The following TRPV4 variants were observed in gnomAD, a reference collection of about 807,000 sequenced individuals.
TRPV4 encodes OSM9-like transient receptor potential channel 4.
In TRPV4, 58 loss-of-function variants were observed where a neutral mutation model predicts 84.1. That is an observed-to-expected ratio of 0.69 (90% CI 0.56 to 0.86). The LOEUF (loss-of-function observed/expected upper bound fraction) is 0.86. Among genes scored for constraint, TRPV4 ranks in the 40% least tolerant of loss-of-function variants. TRPV4 has a pLI of 0.00. For missense variants in TRPV4, 879 were observed against 1,181.1 expected, an observed-to-expected ratio of 0.74 and a Z score of 3.75; for synonymous variants, 489 against 500.9, an observed-to-expected ratio of 0.98 and a Z score of 0.32.
At chr12:109,828,238 C>T (rs747758316) in intron 1 of TRPV4, among the ~76,000 whole-genome samples, 4 of 152,196 alleles carry the variant, frequency 2.6e-5, no homozygotes, top group African/African-American at 7.2e-5. Flanking sequence ...GCTTCCTGTG[C>T]GCCTGGTGTG....
rs139338783 is a variant in TRPV4, at chr12:109,805,667, G to A, written c.560-2524C>T. Among the ~76,000 whole-genome samples the A allele has an allele frequency of 1.9e-3, 286 of 152,230 alleles. 5 individuals carry two copies. The highest frequency in any genetic ancestry group is 6.1e-3 in the African/African-American group (254 of 41,516). On this transcript the variant is annotated intron_variant, in intron 3 of 15. Transcript: ENST00000261740. The stretch of plus-strand genomic sequence containing the variant: ...GGTTTTGTGGGACGTAGACTAGGTC[G>A]AGGACCTCAGAAAGGGCCTTAGCCA...
intron 12 of TRPV4, among the ~76,000 whole-genome samples, chr12:109,790,808 G>A (rs903458661): frequency 6.6e-6 from 1 of 152,238 alleles, no homozygotes; most frequent in Non-Finnish European, 1.5e-5. Context: ...GGCCAACAGA[G>A]TAAGGCAGCA....
At chr12:109,813,804 TGA>T (rs1452559764) in intron 2 of TRPV4, among the ~76,000 whole-genome samples, 1 of 150,854 alleles carries the variant, frequency 6.6e-6, no homozygotes, top group Non-Finnish European at 1.5e-5. Context: ...ACATATGGAA[TGA>T]TGAATAGACG....
Position 109,795,985 on chromosome 12 carries a change from CTGGCTTCAAGCAATCCGCCCACCT to C in TRPV4, c.1332+516_1332+539del, listed in dbSNP as rs1274716975. ...TATTGCCCAGGCTAGTCTCAAACTCCTGGCTTCAAGCAATCCGCCCACCTTGGCTCCCCAAAATGCTAGAATTAC... is the reference window on the plus strand; with the variant it reads ...TATTGCCCAGGCTAGTCTCAAACTCCTGGCTCCCCAAAATGCTAGAATTAC... On this transcript the variant is annotated intron_variant, in intron 7 of 15. Coordinates refer to ENST00000261740, the MANE Select transcript of TRPV4 (RefSeq NM_021625.5). Among the ~76,000 whole-genome samples, 7 of 152,056 alleles carry C rather than the reference CTGGCTTCAAGCAATCCGCCCACCT, an allele frequency of 4.6e-5. No individual in the cohort carries two copies. The South Asian group carries it at 1.5e-3, about 32-fold the overall frequency.
chr12:109,798,584 G>A lies in TRPV4; in HGVS notation c.1152+30C>T. 1 of 1,606,678 alleles carries A rather than the reference G, an allele frequency of 6.2e-7. No individual in the cohort carries two copies. Among genetic ancestry groups the A allele is most frequent in the Non-Finnish European group, 8.5e-7 (1 of 1,179,892 alleles). On this transcript the variant is annotated intron_variant, in intron 6 of 15. Transcript: ENST00000261740. This position sits in a 1 kb window ranked among gnomAD's most constrained non-coding sequence, Gnocchi z 5.0. ...GTGTGCAGAGGGGTACGAGTAGGTGGATCAGCTGTGCCCCCAGCCGCACAC... is the reference window on the plus strand; with the variant it reads ...GTGTGCAGAGGGGTACGAGTAGGTGAATCAGCTGTGCCCCCAGCCGCACAC...
intron 1 of TRPV4, among the ~76,000 whole-genome samples, chr12:109,825,554 A>G (rs940100358): frequency 6.6e-6 from 1 of 152,082 alleles, no homozygotes; most frequent in Non-Finnish European, 1.5e-5. Flanking sequence ...TGGAACCCAG[A>G]CTTCCCGGCT....
intron 7 of TRPV4, 109 bp from the exon 8 acceptor site, chr12:109,794,596 CTT>C: frequency 1.7e-6 from 2 of 1,184,354 alleles, no homozygotes; most frequent in Non-Finnish European, 2.5e-6. Context: ...AGCGCTTTCT[CTT>C]TCCATCCATT....
chr12:109,812,452 G>T (rs1891578834), intron 2 of TRPV4, among the ~76,000 whole-genome samples: 3 of 152,252 alleles, frequency 2.0e-5, no homozygotes, highest in Admixed American at 2.0e-4. Context: ...GATGATTGAA[G>T]AAGACCCAGG....
At chr12:109,829,143 G>A (rs761486519) in intron 1 of TRPV4, among the ~76,000 whole-genome samples, 24 of 152,000 alleles carry the variant, frequency 1.6e-4, no homozygotes, top group Non-Finnish European at 3.1e-4. Flanking sequence ...CTGCATTCCA[G>A]CCTGAGCAAC....
Position 109,794,435 on chromosome 12 carries a change from T to TCAA in TRPV4, c.1384_1385insTTG (p.Lys462delinsIleGlu). On this transcript the variant is annotated protein_altering_variant, in exon 8 of 16. Coordinates refer to ENST00000261740, the MANE Select transcript of TRPV4 (RefSeq NM_021625.5). Reference sequence around the variant, plus strand: ...GGAGACGGCCCCGAACTTGCGCCACTTGTCCCGCAGCAGTTCATTGATGGG... The same window carrying TCAA: ...GGAGACGGCCCCGAACTTGCGCCACTCAATGTCCCGCAGCAGTTCATTGATGGG... The TCAA allele has an allele frequency of 6.2e-7, 1 of 1,614,034 alleles. No individual in the cohort carries two copies. Among genetic ancestry groups the TCAA allele is most frequent in the East Asian group, 2.2e-5 (1 of 44,862 alleles).
chr12:109,807,184 G>A (rs1335107063), intron 3 of TRPV4, among the ~76,000 whole-genome samples: 1 of 151,280 alleles, frequency 6.6e-6, no homozygotes, highest in Non-Finnish European at 1.5e-5. Context: ...GCTGAGGCAG[G>A]AGAATCACTT....
Position 109,796,505 on chromosome 12 carries a change from T to A in TRPV4, c.1332+20A>T, listed in dbSNP as rs903308930. ...CCTGCCCCTCCTTCCTCACACCCCATGCCCCCTCCTGGAGCCCACCTCAAT... is the reference window on the plus strand; with the variant it reads ...CCTGCCCCTCCTTCCTCACACCCCAAGCCCCCTCCTGGAGCCCACCTCAAT... On this transcript the variant is annotated intron_variant, in intron 7 of 15. Transcript: ENST00000261740. The surrounding 1 kb of genome is among the most constrained non-coding windows in gnomAD (Gnocchi z 4.2). 2 of 1,602,978 alleles carry A rather than the reference T, an allele frequency of 1.2e-6. No individual in the cohort carries two copies. The highest frequency in any genetic ancestry group is 1.7e-6 in the Non-Finnish European group (2 of 1,173,416).
chr12:109,784,481 C>T (rs201016310), intron 14 of TRPV4, 44 bp from the exon 15 acceptor site: 258 of 1,613,776 alleles, frequency 1.6e-4, no homozygotes, highest in Admixed American at 3.2e-4. Flanking sequence ...CCCTCAGAGA[C>T]GCTCTCCATG....
Position 109,798,960 on chromosome 12 carries a change from T to TGGG in TRPV4, c.854-51_854-49dup, listed in dbSNP as rs1262864506. ...GGAGGTCAGCGAAGGGGGCCCAGGGTGGGACTCTGCCTGCAGACACTCGGG... is the reference window on the plus strand; with the variant it reads ...GGAGGTCAGCGAAGGGGGCCCAGGGTGGGGGGACTCTGCCTGCAGACACTCGGG... On this transcript the variant is annotated intron_variant, in intron 5 of 15. Transcript: ENST00000261740. The surrounding 1 kb of genome is among the most constrained non-coding windows in gnomAD (Gnocchi z 5.0). 6.4e-7 allele frequency: 1 copy of TGGG among 1,564,998 alleles called. No individual in the cohort carries two copies. Among genetic ancestry groups the TGGG allele is most frequent in the Non-Finnish European group, 8.7e-7 (1 of 1,152,426 alleles).
chr12:109,830,824 G>A (rs1186144644), intron 1 of TRPV4, among the ~76,000 whole-genome samples: 1 of 152,182 alleles, frequency 6.6e-6, no homozygotes, highest in Non-Finnish European at 1.5e-5. Flanking sequence ...CATCTCAAAA[G>A]TATTTGTTCA....
intron 14 of TRPV4, 31 bp from the exon 15 acceptor site, chr12:109,784,468 A>T: frequency 6.2e-7 from 1 of 1,614,018 alleles, no homozygotes; most frequent in South Asian, 1.1e-5. Context: ...GGTCATGGGG[A>T]ACCCCTCAGA....
In TRPV4 at chr12:109,783,319, G is replaced by A. The variant is rs963530531; in HGVS notation, c.*302C>T. 4 of 340,122 alleles carry A rather than the reference G, an allele frequency of 1.2e-5. No homozygotes were observed. The highest frequency in any genetic ancestry group is 6.5e-5 in the South Asian group (1 of 15,430). 21.1% of individuals were successfully genotyped at this position (340,122 alleles called of 1,614,324 possible). The stretch of plus-strand genomic sequence containing the variant: ...AGGTTCCAGCTGGGGCAGGGGTCAC[G>A]TCGCTTCCTGAGAGCAGAGCAAATA... On this transcript the variant is annotated 3_prime_UTR_variant, in exon 16 of 16. Coordinates refer to ENST00000261740, the MANE Select transcript of TRPV4 (RefSeq NM_021625.5). This position sits in a 1 kb window ranked among gnomAD's most constrained non-coding sequence, Gnocchi z 4.6.
rs1264567315 is a variant in TRPV4, at chr12:109,789,693, AC to A, written c.1892-978del. ...ACTCAGTCCCATCAGTCAGTGGGGC[AC>A]AGAATGTCATACTGCCTGCAACCAG... On this transcript the variant is annotated intron_variant, in intron 12 of 15. Transcript: ENST00000261740. Among the ~76,000 whole-genome samples the A allele has an allele frequency of 1.3e-5, 2 of 152,202 alleles. 1 individual carries two copies. Among genetic ancestry groups the A allele is most frequent in the Admixed American group, 1.3e-4 (2 of 15,284 alleles).
chr12:109,793,509 C>G lies in TRPV4; in HGVS notation c.1658+18G>C. 1 of 1,611,446 alleles carries G rather than the reference C, an allele frequency of 6.2e-7. No individual in the cohort carries two copies. The highest frequency in any genetic ancestry group is 1.3e-5 in the African/African-American group (1 of 74,946). On this transcript the variant is annotated intron_variant, in intron 10 of 15. Transcript: ENST00000261740. This position sits in a 1 kb window ranked among gnomAD's most constrained non-coding sequence, Gnocchi z 4.0. ...CCTTCCTCACCCAGAAGCTGCCGGC[C>G]CAGGGACCTCTACTCACTAGAGCAG... is the stretch of plus-strand genomic sequence containing the variant.
Sources: allele counts gnomAD v4.1 joint callset (sites outside exome capture counted in the v4.1 genomes callset), GRCh38; gene constraint gnomAD v4.1.1; non-coding constraint Gnocchi (gnomAD v3.1); transcripts MANE v1.5; gene names NCBI Gene and HGNC (gene_info 2026-07-23, HGNC 2026-07-21).